SORCS1: variants seen among roughly 807,000 people sequenced by gnomAD.
SORCS1 encodes VPS10 domain-containing receptor SorCS1.
SORCS1 carries 60 observed loss-of-function variants against 146.1 expected under a neutral mutation model. The ratio of observed to expected loss-of-function variants is 0.41; its 90% confidence interval spans 0.33 to 0.51. SORCS1 has a LOEUF of 0.51. Ranked by LOEUF, SORCS1 falls within the 20% of genes least tolerant of loss-of-function variation. The probability of loss-of-function intolerance (pLI) is 0.21; values close to 1 mark genes in which losing one functional copy is unlikely to be tolerated. For synonymous variants in SORCS1, 637 were observed against 584.0 expected (o/e 1.09, Z -1.31); for missense variants, 1,352 against 1,487.6 (o/e 0.91, Z 1.50).
chr10:106,732,426 A>G (rs1168543852), intron 5 of SORCS1, among the ~76,000 whole-genome samples: 1 of 152,220 alleles, frequency 6.6e-6, no homozygotes, highest in Non-Finnish European at 1.5e-5. Flanking sequence ...CTTTTCTGAC[A>G]AGACTGCAAG....
intron 3 of SORCS1, among the ~76,000 whole-genome samples, chr10:106,788,682 C>A: frequency 6.6e-6 from 1 of 152,230 alleles, no homozygotes; most frequent in East Asian, 1.9e-4. Context: ...TTGGGCAGCT[C>A]TCCCCCTGTG....
chr10:106,890,173 A>G (rs761154948), intron 2 of SORCS1, among the ~76,000 whole-genome samples: 3 of 152,144 alleles, frequency 2.0e-5, no homozygotes, highest in Non-Finnish European at 2.9e-5. Flanking sequence ...TTTATGCACT[A>G]TTCTTCCTTG....
At chr10:106,992,995 C>G (rs560913745) in intron 1 of SORCS1, among the ~76,000 whole-genome samples, 1 of 152,114 alleles carries the variant, frequency 6.6e-6, no homozygotes, top group African/African-American at 2.4e-5. Flanking sequence ...CCACGTCCAG[C>G]TAATTTTTGT....
At position 107,104,969 on chromosome 10, in the gene SORCS1, A is replaced by G. The variant is rs374588815; in HGVS notation, c.558+59000T>C. 1.8e-3 allele frequency among the ~76,000 whole-genome samples: 272 copies of G among 152,342 alleles called. 2 individuals carry two copies. The highest frequency in any genetic ancestry group is 6.3e-3 in the African/African-American group (260 of 41,562). On this transcript the variant is annotated intron_variant, in intron 1 of 25. Transcript: ENST00000263054. ...ACCTGAATGCCTGTGGTATATTCAG[A>G]AGAATCAACAGGAGAAAGAAACACT... is the stretch of plus-strand genomic sequence containing the variant.
At chr10:106,705,529 G>C (rs952626980) in intron 8 of SORCS1, among the ~76,000 whole-genome samples, 1 of 152,112 alleles carries the variant, frequency 6.6e-6, no homozygotes, top group Non-Finnish European at 1.5e-5. Flanking sequence ...AAAGAGGCAT[G>C]GCAACTCAAT....
chr10:106,917,088 A>C (rs1952481564), intron 2 of SORCS1, among the ~76,000 whole-genome samples: 2 of 152,164 alleles, frequency 1.3e-5, no homozygotes, highest in African/African-American at 4.8e-5. Flanking sequence ...TCACCTGGCC[A>C]GCTCGTTCTC....
Position 107,164,255 on chromosome 10 carries a change from C to G in SORCS1, c.272G>C (p.Arg91Pro), listed in dbSNP as rs750223082. 6.2e-7 allele frequency: 1 copy of G among 1,605,746 alleles called. No individual in the cohort carries two copies. The highest frequency in any genetic ancestry group is 2.2e-5 in the East Asian group (1 of 44,786). Residue 91 changes from arginine to proline, a missense_variant, in exon 1 of 26, where the codon CGG becomes CCG. This residue lies in a region of SORCS1 where 490 missense variants were observed against 489.1 expected (regional missense o/e 1.00). Coordinates refer to ENST00000263054, the MANE Select transcript of SORCS1 (RefSeq NM_052918.5). The surrounding 1 kb of genome is among the most constrained non-coding windows in gnomAD (Gnocchi z 6.8). ...CATGGATGCCCCAGTGCCCCGAGCC[C>G]GCTCCAGGGATAGCGCTCGGTCCCC... ...APGDRALSLE[R>P]ARGTGASMAV...
At chr10:106,835,730 G>T (rs540956209) in intron 2 of SORCS1, among the ~76,000 whole-genome samples, 5 of 152,106 alleles carry the variant, frequency 3.3e-5, no homozygotes, top group African/African-American at 1.2e-4. Context: ...CAGAAGCCGG[G>T]TGTGATGGCT....
chr10:107,166,096 C>G (rs746657772), upstream of SORCS1, among the ~76,000 whole-genome samples: 16 of 152,112 alleles, frequency 1.1e-4, no homozygotes, highest in Non-Finnish European at 1.8e-4. Context: ...GTAATATTCT[C>G]TTAGGTACAT....
chr10:107,173,256 G>A, the SORCS1 span, among the ~76,000 whole-genome samples: 9 of 152,096 alleles, frequency 5.9e-5, no homozygotes, highest in East Asian at 5.8e-4. Flanking sequence ...TGTAGGTCAC[G>A]GAGTACAAAG....
chr10:107,063,706 T>G (rs982055754), intron 1 of SORCS1, among the ~76,000 whole-genome samples: 10 of 152,220 alleles, frequency 6.6e-5, no homozygotes, highest in Non-Finnish European at 1.3e-4. Flanking sequence ...TGACAGGGAC[T>G]TAGCTTTATA....
chr10:106,717,852 T>A (rs1855488449), intron 6 of SORCS1, among the ~76,000 whole-genome samples: 1 of 152,168 alleles, frequency 6.6e-6, no homozygotes, highest in South Asian at 2.1e-4. Flanking sequence ...CGGTGAAATA[T>A]TTAATCCTCA....
intron 2 of SORCS1, among the ~76,000 whole-genome samples, chr10:106,954,846 C>T (rs1047727985): frequency 6.6e-6 from 1 of 152,220 alleles, no homozygotes; most frequent in African/African-American, 2.4e-5. Context: ...GTAGGGACTA[C>T]CCACTTTGGG....
intron 23 of SORCS1, chr10:106,600,368 G>C (rs546771242): frequency 1.0e-6 from 1 of 976,326 alleles, no homozygotes; most frequent in Non-Finnish European, 1.2e-6. Context: ...TGCATCAAAG[G>C]ACATTCAACA....
At chr10:106,687,617 A>G (rs1852957688) in intron 10 of SORCS1, among the ~76,000 whole-genome samples, 1 of 152,172 alleles carries the variant, frequency 6.6e-6, no homozygotes, top group East Asian at 1.9e-4. Flanking sequence ...GGTGGGCCAT[A>G]TTTTTCCCAC....
chr10:106,982,759 C>T (rs1024804219), intron 1 of SORCS1, among the ~76,000 whole-genome samples: 1 of 152,096 alleles, frequency 6.6e-6, no homozygotes, highest in African/African-American at 2.4e-5. Flanking sequence ...TTGCTGGCTG[C>T]AGTTTACTAA....
chr10:106,587,795 C>T (rs1013713631), intron 24 of SORCS1, among the ~76,000 whole-genome samples: 1 of 152,126 alleles, frequency 6.6e-6, no homozygotes, highest in Non-Finnish European at 1.5e-5. Context: ...AATAAGGCAA[C>T]TGATAGACAG....
At chr10:107,063,201 C>T (rs923901659) in intron 1 of SORCS1, among the ~76,000 whole-genome samples, 16 of 152,148 alleles carry the variant, frequency 1.1e-4, no homozygotes, top group African/African-American at 3.9e-4. Flanking sequence ...GGAAAAGCAT[C>T]AACATGCAAG....
intron 2 of SORCS1, 90 bp downstream of exon 2, chr10:106,956,423 C>T: frequency 8.4e-7 from 1 of 1,185,384 alleles, no homozygotes; most frequent in Non-Finnish European, 1.2e-6. Flanking sequence ...TCACCAGGAA[C>T]CTTCCTGCCA....
Sources: allele counts gnomAD v4.1 joint callset (sites outside exome capture counted in the v4.1 genomes callset), GRCh38; gene constraint gnomAD v4.1.1; regional missense constraint gnomAD v4.1.1; non-coding constraint Gnocchi (gnomAD v3.1); transcripts MANE v1.5; gene names NCBI Gene and HGNC (gene_info 2026-07-23, HGNC 2026-07-21).